CCDC150: variants seen among roughly 807,000 people sequenced by gnomAD.
CCDC150 encodes coiled-coil domain containing 150, also known as coiled-coil domain-containing protein 150.
CCDC150 carries 151 observed loss-of-function variants against 156.5 expected under a neutral mutation model. The ratio of observed to expected loss-of-function variants is 0.97; its 90% confidence interval spans 0.85 to 1.10. CCDC150 has a LOEUF of 1.10. Among genes scored for constraint, CCDC150 ranks in the 50% least tolerant of loss-of-function variants. CCDC150 has a pLI of 0.00. For synonymous variants in CCDC150, 452 were observed against 429.4 expected, an observed-to-expected ratio of 1.05 and a Z score of -0.65; for missense variants, 1,312 against 1,268.1, an observed-to-expected ratio of 1.03 and a Z score of -0.53.
rs1354714609 is a variant in CCDC150 at position 196,656,566 on chromosome 2, C to T, written c.177-67C>T. 3 of 1,063,908 alleles carry T rather than the reference C, an allele frequency of 2.8e-6. No individual in the cohort carries two copies. In the African/African-American group the frequency reaches 4.8e-5, roughly 17 times the overall value. The allele number at this position is 1,063,908 out of a possible 1,614,324, so 65.9% of individuals were successfully genotyped here. Reference sequence around the variant, plus strand: ...TCTTATTGGAAATGTTACATTGACTCAGTTTTTGGGATTACCATAGTAGAA... The same window carrying T: ...TCTTATTGGAAATGTTACATTGACTTAGTTTTTGGGATTACCATAGTAGAA... On this transcript the variant is annotated intron_variant, in intron 2 of 27. Transcript: ENST00000389175.
At chr2:196,673,482 T>C (rs928758186) in intron 9 of CCDC150, among the ~76,000 whole-genome samples, 4 of 152,180 alleles carry the variant, frequency 2.6e-5, no homozygotes, top group Non-Finnish European at 5.9e-5. Context: ...CTAACTACTG[T>C]ACTGCCTGCC....
chr2:196,732,248 T>G (rs1698561142), intron 27 of CCDC150, 96 bp downstream of exon 27: 1 of 1,400,850 alleles, frequency 7.1e-7, no homozygotes, highest in African/African-American at 1.4e-5. Context: ...ATACTCTCTC[T>G]TTTAATCTTT....
At chr2:196,717,751 A>G (rs1368968493) in intron 17 of CCDC150, among the ~76,000 whole-genome samples, 1 of 152,118 alleles carries the variant, frequency 6.6e-6, no homozygotes, top group Non-Finnish European at 1.5e-5. Flanking sequence ...TTAGCTTGGT[A>G]TGATAGTGCA....
intron 14 of CCDC150, among the ~76,000 whole-genome samples, chr2:196,698,339 T>G (rs1183622908): frequency 6.6e-6 from 1 of 152,204 alleles, no homozygotes; most frequent in Non-Finnish European, 1.5e-5. Context: ...TACATTAGCA[T>G]TCTCTTTAGT....
At chr2:196,676,310 G>C (rs1384882628) in intron 11 of CCDC150, 43 bp downstream of exon 11, 7 of 1,603,302 alleles carry the variant, frequency 4.4e-6, no homozygotes, top group Non-Finnish European at 6.0e-6. Flanking sequence ...TTTTGTTCTT[G>C]CATGTGTGTT....
At chr2:196,714,979 C>A (rs1559269328) in intron 17 of CCDC150, among the ~76,000 whole-genome samples, 1 of 152,058 alleles carries the variant, frequency 6.6e-6, no homozygotes, top group South Asian at 2.1e-4. Context: ...GTTACAGGTT[C>A]AAGTTTAAGG....
intron 5 of CCDC150, among the ~76,000 whole-genome samples, 152 bp downstream of exon 5, chr2:196,659,012 A>G (rs1461704812): frequency 6.6e-6 from 1 of 152,188 alleles, no homozygotes; most frequent in Non-Finnish European, 1.5e-5. Context: ...ATTCAAGTGA[A>G]AGTGCCTGCC....
chr2:196,660,512 T>C (rs1693499045), intron 5 of CCDC150, among the ~76,000 whole-genome samples: 1 of 152,208 alleles, frequency 6.6e-6, no homozygotes, highest in Non-Finnish European at 1.5e-5. Flanking sequence ...GCCATTCCAA[T>C]GGGTATGTAG....
chr2:196,731,027 C>T, intron 26 of CCDC150, 82 bp downstream of exon 26: 1 of 970,780 alleles, frequency 1.0e-6, no homozygotes, highest in South Asian at 1.6e-5. Context: ...AATGTGAAAT[C>T]CTTCATTAAC....
intron 13 of CCDC150, among the ~76,000 whole-genome samples, chr2:196,681,894 C>T (rs1168607597): frequency 1.3e-5 from 2 of 152,062 alleles, no homozygotes; most frequent in East Asian, 1.9e-4. Context: ...CAGGTATTTT[C>T]TCCCATTCTG....
At position 196,701,274 on chromosome 2, in the gene CCDC150, G is replaced by A. The variant is rs1696186922; in HGVS notation, c.1695+94G>A. 3 of 849,486 alleles carry A rather than the reference G, an allele frequency of 3.5e-6. No homozygotes were observed. In the Admixed American group the frequency reaches 7.3e-5, roughly 21 times the overall value. The allele number at this position is 849,486 out of a possible 1,614,324, so 52.6% of individuals were successfully genotyped here. A position where few individuals can be genotyped will look rare whatever the true frequency, so the allele number is the denominator to read the frequency against. ...CTAGATTTTGAGAATACCTAGCTCT[G>A]TCATTTACTAAGTCTATAGTCTCTG... On this transcript the variant is annotated intron_variant, in intron 15 of 27. Transcript: ENST00000389175.
intron 27 of CCDC150, 59 bp downstream of exon 27, chr2:196,732,211 A>G: frequency 1.3e-6 from 2 of 1,590,580 alleles, no homozygotes; most frequent in African/African-American, 1.3e-5. Context: ...TCAGATTTCT[A>G]ATTACCGAAG....
At chr2:196,704,368 A>G (rs1319819825) in intron 15 of CCDC150, among the ~76,000 whole-genome samples, 4 of 152,174 alleles carry the variant, frequency 2.6e-5, no homozygotes, top group African/African-American at 9.7e-5. Context: ...AATTGCTTGC[A>G]AATAATAACA....
chr2:196,677,406 G>A, intron 13 of CCDC150, 45 bp downstream of exon 13: 2 of 1,256,636 alleles, frequency 1.6e-6, no homozygotes, highest in East Asian at 2.5e-5. Context: ...ATTTCCTTCT[G>A]TATTGCTGAC....
intron 18 of CCDC150, chr2:196,719,205 C>G (rs1053470717): frequency 9.0e-6 from 2 of 221,494 alleles, no homozygotes; most frequent in Admixed American, 5.6e-5. Context: ...GGCGCCACCT[C>G]TGGACGCAGG....
intron 1 of CCDC150, 140 bp downstream of exon 1, chr2:196,639,918 C>T (rs1012669263): frequency 2.4e-5 from 18 of 749,476 alleles, no homozygotes; most frequent in Non-Finnish European, 3.2e-5. Flanking sequence ...CCTCAGGGCC[C>T]TGATTTAAGG....
intron 13 of CCDC150, among the ~76,000 whole-genome samples, chr2:196,684,377 G>T (rs766657774): frequency 1.3e-4 from 19 of 151,930 alleles, no homozygotes; most frequent in Non-Finnish European, 2.8e-4. Context: ...TTCTTTTATT[G>T]ATTTCTAATT....
At chr2:196,675,672 G>T (rs559487039) in intron 10 of CCDC150, among the ~76,000 whole-genome samples, 106 of 152,220 alleles carry the variant, frequency 7.0e-4, no homozygotes, top group African/African-American at 2.4e-3. Flanking sequence ...AGTCTTAAAA[G>T]AATTCACAGC....
At chr2:196,719,753 T>A in intron 19 of CCDC150, 87 bp downstream of exon 19, 2 of 915,094 alleles carry the variant, frequency 2.2e-6, no homozygotes, top group Non-Finnish European at 3.0e-6. Flanking sequence ...TCACTTTATG[T>A]AGCTTCCTTT....
Sources: gnomAD v4.1 joint callset for allele counts (sites outside exome capture counted in the v4.1 genomes callset) on GRCh38, gnomAD v4.1.1 for gene constraint, MANE v1.5 for transcripts, NCBI Gene and HGNC (gene_info 2026-07-23, HGNC 2026-07-21) for gene names.